Variants in CDYL2 observed in about 807,000 individuals in gnomAD.
The protein encoded by CDYL2 is chromodomain Y like 2, also known as chromodomain Y-like protein 2.
In CDYL2, 23 loss-of-function variants were observed where a neutral mutation model predicts 49.4. The ratio of observed to expected loss-of-function variants is 0.47; its 90% confidence interval spans 0.34 to 0.66. The LOEUF is 0.66. CDYL2 is among the 30% of genes least tolerant of loss of function. CDYL2 has a pLI of 0.01. For missense variants in CDYL2, 678 were observed against 656.4 expected (o/e 1.03, Z -0.36); for synonymous variants, 360 against 268.8 (o/e 1.34, Z -3.32).
At chr16:80,685,318 A>C (rs1910147849) in intron 1 of CDYL2, among the ~76,000 whole-genome samples, 189 bp from the exon 2 acceptor site, 1 of 152,180 alleles carries the variant, frequency 6.6e-6, no homozygotes, top group Non-Finnish European at 1.5e-5. Flanking sequence ...TTATTTTACG[A>C]CATCACTGGA....
intron 2 of CDYL2, among the ~76,000 whole-genome samples, chr16:80,637,434 T>C (rs1907886273): frequency 6.6e-6 from 1 of 152,054 alleles, no homozygotes; most frequent in Non-Finnish European, 1.5e-5. Flanking sequence ...TAAAAGTATA[T>C]AAAGTTTGGG....
At chr16:80,786,728 T>C (rs544151310) in intron 1 of CDYL2, among the ~76,000 whole-genome samples, 2 of 152,274 alleles carry the variant, frequency 1.3e-5, no homozygotes, top group Non-Finnish European at 2.9e-5. Flanking sequence ...CACCATGGAA[T>C]ACTATGCAGC....
chr16:80,725,876 T>C (rs7498380), intron 1 of CDYL2, among the ~76,000 whole-genome samples: 52,450 of 151,750 alleles, frequency 0.35, 9,234 homozygotes, highest in East Asian at 0.46. Flanking sequence ...ACAAAAATTA[T>C]TGGTGCCATT....
chr16:80,632,889 G>T, intron 3 of CDYL2, 130 bp downstream of exon 3: 1 of 826,556 alleles, frequency 1.2e-6, no homozygotes, highest in Non-Finnish European at 1.9e-6. Flanking sequence ...GCGCGCTGCA[G>T]TCAAGTTTTT....
chr16:80,634,270 G>C (rs1316608780), intron 2 of CDYL2, among the ~76,000 whole-genome samples: 1 of 152,164 alleles, frequency 6.6e-6, no homozygotes, highest in Non-Finnish European at 1.5e-5. Flanking sequence ...TGATAGACTG[G>C]ATTAAGAAAA....
intron 2 of CDYL2, among the ~76,000 whole-genome samples, chr16:80,674,792 T>C (rs1402264476): frequency 6.6e-6 from 1 of 152,272 alleles, no homozygotes; most frequent in Non-Finnish European, 1.5e-5. Context: ...ATCCGTCGTC[T>C]GGGAAGACGA....
At chr16:80,800,922 G>A (rs1178903522) in intron 1 of CDYL2, among the ~76,000 whole-genome samples, 1 of 152,196 alleles carries the variant, frequency 6.6e-6, no homozygotes. Flanking sequence ...GTCTACTGGA[G>A]CCCAGTGAAT....
At chr16:80,656,282 C>T (rs1908807755) in intron 2 of CDYL2, among the ~76,000 whole-genome samples, 1 of 152,242 alleles carries the variant, frequency 6.6e-6, no homozygotes, top group Non-Finnish European at 1.5e-5. Flanking sequence ...CCTAATCATG[C>T]CTCTCCTACT....
At chr16:80,774,055 A>C (rs894096348) in intron 1 of CDYL2, among the ~76,000 whole-genome samples, 1 of 152,144 alleles carries the variant, frequency 6.6e-6, no homozygotes, top group African/African-American at 2.4e-5. Flanking sequence ...TGAAACAGGT[A>C]TTTACTTTAT....
chr16:80,605,525 A>G (rs1188051961), intron 6 of CDYL2, among the ~76,000 whole-genome samples: 1 of 150,102 alleles, frequency 6.7e-6, no homozygotes, highest in African/African-American at 2.4e-5. Context: ...CAATAATCAT[A>G]GTAACAATAG....
Position 80,763,582 on chromosome 16 carries a change from A to C in CDYL2, c.24+40568T>G, listed in dbSNP as rs182370729. On this transcript the variant is annotated intron_variant, in intron 1 of 6. Transcript: ENST00000570137. ...AACCAAGATCGTGCCACTGCACTCC[A>C]GCCTGGGTAACAGAGCAAGACTCTG... 5.3e-3 allele frequency among the ~76,000 whole-genome samples: 805 copies of C among 152,212 alleles called. 3 individuals are homozygous for C. The highest frequency in any genetic ancestry group is 0.018 in the African/African-American group (763 of 41,574).
intron 2 of CDYL2, among the ~76,000 whole-genome samples, chr16:80,661,335 G>T (rs761525626): frequency 4.6e-5 from 7 of 152,130 alleles, no homozygotes; most frequent in African/African-American, 7.2e-5. Flanking sequence ...ATCTACACCT[G>T]CCCCCACAAC....
chr16:80,609,835 T>C (rs1409994792), intron 5 of CDYL2, among the ~76,000 whole-genome samples: 2 of 152,054 alleles, frequency 1.3e-5, no homozygotes, highest in African/African-American at 2.4e-5. Context: ...AGGTAGGGTG[T>C]CCCTGGTAAA....
intron 2 of CDYL2, among the ~76,000 whole-genome samples, chr16:80,654,727 C>T (rs1339983941): frequency 2.0e-5 from 3 of 152,232 alleles, no homozygotes; most frequent in East Asian, 3.9e-4. Context: ...CAGAGCTGCC[C>T]GGCATGGAGA....
chr16:80,644,116 C>T (rs930854628), intron 2 of CDYL2, among the ~76,000 whole-genome samples: 3 of 152,346 alleles, frequency 2.0e-5, no homozygotes, highest in African/African-American at 4.8e-5. Context: ...AAATTTCTTT[C>T]ACGAGACACA....
intron 2 of CDYL2, among the ~76,000 whole-genome samples, chr16:80,666,930 G>A (rs1431786695): frequency 6.6e-6 from 1 of 152,174 alleles, no homozygotes; most frequent in Admixed American, 6.5e-5. Flanking sequence ...AACAAAAATG[G>A]AGACCATCCC....
At chr16:80,767,784 T>C (rs1597123931) in intron 1 of CDYL2, among the ~76,000 whole-genome samples, 1 of 152,186 alleles carries the variant, frequency 6.6e-6, no homozygotes, top group African/African-American at 2.4e-5. Flanking sequence ...GTGCCTACTA[T>C]ATGCCAGGCA....
chr16:80,741,836 T>C (rs1297372332), intron 1 of CDYL2, among the ~76,000 whole-genome samples: 2 of 152,226 alleles, frequency 1.3e-5, no homozygotes, highest in Non-Finnish European at 2.9e-5. Context: ...CTGTTAATGT[T>C]GGACTAATTT....
At chr16:80,648,122 C>T (rs996610901) in intron 2 of CDYL2, among the ~76,000 whole-genome samples, 1 of 151,294 alleles carries the variant, frequency 6.6e-6, no homozygotes, top group Non-Finnish European at 1.5e-5. Flanking sequence ...AAGAGCAAAC[C>T]AAACCCAAAA....
Sources: gnomAD v4.1 joint callset for allele counts (sites outside exome capture counted in the v4.1 genomes callset) on GRCh38, gnomAD v4.1.1 for gene constraint, MANE v1.5 for transcripts, NCBI Gene and HGNC (gene_info 2026-07-23, HGNC 2026-07-21) for gene names.